COMMD10: variants seen among roughly 807,000 people sequenced by gnomAD.
COMMD10 encodes the protein COMM domain-containing protein 10.
COMMD10 carries 33 observed loss-of-function variants against 28.9 expected under a neutral mutation model. That is an observed-to-expected ratio of 1.14 (90% CI 0.87 to 1.53). The LOEUF (loss-of-function observed/expected upper bound fraction) is 1.53. COMMD10 is among the 40% of genes most tolerant of loss of function. The probability of loss-of-function intolerance (pLI) is 0.00; values close to 1 mark genes in which losing one functional copy is unlikely to be tolerated. For missense variants in COMMD10, 310 were observed against 233.4 expected, an observed-to-expected ratio of 1.33 and a Z score of -2.14; for synonymous variants, 110 against 81.7, an observed-to-expected ratio of 1.35 and a Z score of -1.87.
chr5:116,218,366 G>T (rs1414788225), intron 5 of COMMD10: 3 of 582,044 alleles, frequency 5.2e-6, no homozygotes. Flanking sequence ...GCTTTGGTGA[G>T]TCCAGGGGTC....
At chr5:116,103,206 A>C (rs1245806915) in intron 4 of COMMD10, among the ~76,000 whole-genome samples, 1 of 152,186 alleles carries the variant, frequency 6.6e-6, no homozygotes, top group Non-Finnish European at 1.5e-5. Context: ...GGCTGGGTCA[A>C]ATGGTATTTA....
chr5:116,250,429 G>C (rs985077707), intron 5 of COMMD10, among the ~76,000 whole-genome samples: 8 of 151,444 alleles, frequency 5.3e-5, no homozygotes, highest in African/African-American at 1.7e-4. Context: ...ACAGAGACAA[G>C]ATTTTTATAC....
chr5:116,169,615 C>T (rs1239582286), intron 5 of COMMD10, among the ~76,000 whole-genome samples: 1 of 152,160 alleles, frequency 6.6e-6, no homozygotes, highest in Middle Eastern at 3.2e-3. Context: ...CTGAATCCAG[C>T]AGCATATCAA....
At chr5:116,278,023 A>T (rs1750966384) in intron 5 of COMMD10, among the ~76,000 whole-genome samples, 1 of 151,834 alleles carries the variant, frequency 6.6e-6, no homozygotes, top group Non-Finnish European at 1.5e-5. Flanking sequence ...TAGAATTTCA[A>T]TTTATTGTTT....
chr5:116,127,860 G>T (rs543844549), intron 4 of COMMD10, among the ~76,000 whole-genome samples: 18 of 152,010 alleles, frequency 1.2e-4, no homozygotes, highest in Non-Finnish European at 2.2e-4. Context: ...CACCAACATG[G>T]CACATGTATA....
At chr5:116,095,865 T>C (rs141491207) in intron 4 of COMMD10, among the ~76,000 whole-genome samples, 105 of 152,256 alleles carry the variant, frequency 6.9e-4, no homozygotes, top group African/African-American at 2.5e-3. Flanking sequence ...ATGTGATTTG[T>C]TGTTAAAATT....
intron 5 of COMMD10, among the ~76,000 whole-genome samples, chr5:116,136,132 C>T (rs571975558): frequency 6.6e-6 from 1 of 152,104 alleles, no homozygotes. Flanking sequence ...AAATTTATTT[C>T]CTGATGAAGT....
intron 5 of COMMD10, among the ~76,000 whole-genome samples, chr5:116,282,738 G>T (rs1751104937): frequency 6.6e-6 from 1 of 151,820 alleles, no homozygotes; most frequent in African/African-American, 2.4e-5. Context: ...TGTATTATCT[G>T]TATCCTTGTC....
intron 5 of COMMD10, among the ~76,000 whole-genome samples, chr5:116,175,709 C>T (rs1390702533): frequency 6.6e-6 from 1 of 152,116 alleles, no homozygotes; most frequent in African/African-American, 2.4e-5. Flanking sequence ...GAATGAAATT[C>T]TGCCATACGT....
chr5:116,262,737 A>AT, intron 5 of COMMD10, among the ~76,000 whole-genome samples: 1 of 151,950 alleles, frequency 6.6e-6, no homozygotes, highest in East Asian at 1.9e-4. Context: ...AATGAAAATC[A>AT]TTTTTTATAG....
chr5:116,292,517 C>T lies in COMMD10; in HGVS notation c.*28C>T, dbSNP rs201519795. ...TTTTCGAAGACTGTTTTTTTCATCACGCTCCTGCCACCTCATTATTTTGCA... is the reference window on the plus strand; with the variant it reads ...TTTTCGAAGACTGTTTTTTTCATCATGCTCCTGCCACCTCATTATTTTGCA... On this transcript the variant is annotated 3_prime_UTR_variant, in exon 7 of 7. Coordinates refer to ENST00000274458, the MANE Select transcript of COMMD10 (RefSeq NM_016144.4). 2.4e-5 allele frequency: 38 copies of T among 1,563,742 alleles called. No individual in the cohort carries two copies. The highest frequency in any genetic ancestry group is 2.3e-4 in the East Asian group (10 of 43,766).
At chr5:116,254,408 C>A in intron 5 of COMMD10, among the ~76,000 whole-genome samples, 1 of 150,180 alleles carries the variant, frequency 6.7e-6, no homozygotes, top group East Asian at 1.9e-4. Context: ...AATTTTGGAT[C>A]TTTCCTGCTT....
In COMMD10 at chr5:116,200,883, G is replaced by GC. The variant is rs549270582; in HGVS notation, c.510+66707dup. ...CTGATCTTATGATTCCAACATCCCT[G>GC]CCATAGCTGTGTTTGGTTCTGATGC... On this transcript the variant is annotated intron_variant, in intron 5 of 6. Coordinates refer to ENST00000274458, the MANE Select transcript of COMMD10 (RefSeq NM_016144.4). Among the ~76,000 whole-genome samples, 1,151 of 152,200 alleles carry GC rather than the reference G, an allele frequency of 7.6e-3. 4 individuals are homozygous for GC. Among genetic ancestry groups the GC allele is most frequent in the Middle Eastern group, 0.017 (5 of 294 alleles).
rs191145393 is a variant in COMMD10, at chr5:116,142,768, A to C, written c.510+8590A>C. Reference sequence around the variant, plus strand: ...AATTAAACAAGCTTTTGTTATGTGTATTTTGTTTTATTATAGAACATGTAG... The same window carrying C: ...AATTAAACAAGCTTTTGTTATGTGTCTTTTGTTTTATTATAGAACATGTAG... On this transcript the variant is annotated intron_variant, in intron 5 of 6. Transcript: ENST00000274458. Among the ~76,000 whole-genome samples, 265 of 151,822 alleles carry C rather than the reference A, an allele frequency of 1.7e-3. 1 individual carries two copies. Among genetic ancestry groups the C allele is most frequent in the African/African-American group, 6.0e-3 (250 of 41,490 alleles).
chr5:116,224,134 T>G (rs1749332062), intron 5 of COMMD10, among the ~76,000 whole-genome samples: 1 of 152,154 alleles, frequency 6.6e-6, no homozygotes, highest in Admixed American at 6.5e-5. Flanking sequence ...CTGGGGTTGG[T>G]AGTTTAACTC....
rs185385718 is a variant in COMMD10 at position 116,260,864 on chromosome 5, G to T, written c.511-30653G>T. On this transcript the variant is annotated intron_variant, in intron 5 of 6. Coordinates refer to ENST00000274458, the MANE Select transcript of COMMD10 (RefSeq NM_016144.4). ...GAGAGTAAGAAAATATTTACATAGG[G>T]TTTATTTGTGGAGTAAGTATTGTGT... 3.3e-4 allele frequency among the ~76,000 whole-genome samples: 50 copies of T among 151,798 alleles called. 1 individual carries two copies. The East Asian group carries it at 9.5e-3, about 29-fold the overall frequency.
chr5:116,188,898 G>C (rs1276392931), intron 5 of COMMD10, among the ~76,000 whole-genome samples: 1 of 152,120 alleles, frequency 6.6e-6, no homozygotes, highest in African/African-American at 2.4e-5. Flanking sequence ...CCATAGTTCT[G>C]GGATTATAGG....
At chr5:116,190,280 T>C (rs1748318267) in intron 5 of COMMD10, among the ~76,000 whole-genome samples, 1 of 152,188 alleles carries the variant, frequency 6.6e-6, no homozygotes. Flanking sequence ...GAAACTTTTA[T>C]AATTAGGAAC....
At chr5:116,242,864 T>C (rs1017640282) in intron 5 of COMMD10, among the ~76,000 whole-genome samples, 2 of 152,134 alleles carry the variant, frequency 1.3e-5, no homozygotes, top group African/African-American at 4.8e-5. Flanking sequence ...ATAATAATCG[T>C]TGGATAGGCT....
Sources: allele counts gnomAD v4.1 joint callset (sites outside exome capture counted in the v4.1 genomes callset), GRCh38; gene constraint gnomAD v4.1.1; transcripts MANE v1.5; gene names NCBI Gene and HGNC (gene_info 2026-07-23, HGNC 2026-07-21).